GRM3: variants seen among roughly 807,000 people sequenced by gnomAD.
The protein encoded by GRM3 is metabotropic glutamate receptor 3.
GRM3 carries 26 observed loss-of-function variants against 70.5 expected under a neutral mutation model. The ratio of observed to expected loss-of-function variants is 0.37; its 90% CI spans 0.27 to 0.51. The LOEUF (loss-of-function observed/expected upper bound fraction) is 0.51. Ranked by LOEUF, GRM3 falls within the 20% of genes least tolerant of loss-of-function variation. The pLI is 0.93. For missense variants in GRM3, 859 were observed against 1,123.8 expected, an observed-to-expected ratio of 0.76 and a Z score of 3.37; for synonymous variants, 443 against 434.9, an observed-to-expected ratio of 1.02 and a Z score of -0.23.
intron 2 of GRM3, among the ~76,000 whole-genome samples, chr7:86,780,399 G>A (rs566015628): frequency 6.6e-6 from 1 of 152,174 alleles, no homozygotes; most frequent in South Asian, 2.1e-4. Context: ...ATCATATCTG[G>A]CCAAGTCCAG....
intron 2 of GRM3, among the ~76,000 whole-genome samples, chr7:86,779,422 GCACA>G (rs531068667): frequency 9.0e-4 from 136 of 150,516 alleles, no homozygotes; most frequent in African/African-American, 3.1e-3. Flanking sequence ...GCACACGTGC[GCACA>G]CACACACACA....
At chr7:86,763,115 A>G (rs1290694078) in intron 1 of GRM3, among the ~76,000 whole-genome samples, 1 of 152,178 alleles carries the variant, frequency 6.6e-6, no homozygotes, top group Non-Finnish European at 1.5e-5. Flanking sequence ...CATCATTCAA[A>G]TTGCTAACAT....
chr7:86,862,166 G>A (rs1410388174), intron 5 of GRM3, among the ~76,000 whole-genome samples: 1 of 152,174 alleles, frequency 6.6e-6, no homozygotes, highest in Admixed American at 6.6e-5. Context: ...TATGGCCACT[G>A]ATTTTGAAGT....
rs140624531 is a variant in GRM3 at position 86,720,025 on chromosome 7, G to A, written c.-140-44981G>A. On this transcript the variant is annotated intron_variant, in intron 1 of 5. Transcript: ENST00000361669. ...ATCTGGAAAGACCTCATAGGCCACA[G>A]GAACATCCTACAGATAATAGATTGG... Among the ~76,000 whole-genome samples, 922 of 152,082 alleles carry A rather than the reference G, an allele frequency of 6.1e-3. 8 individuals carry two copies. The highest frequency in any genetic ancestry group is 0.021 in the African/African-American group (873 of 41,516).
chr7:86,860,296 G>A (rs1480128790), intron 5 of GRM3, among the ~76,000 whole-genome samples: 4 of 152,136 alleles, frequency 2.6e-5, no homozygotes, highest in African/African-American at 4.8e-5. Flanking sequence ...GTGAATAACA[G>A]ACGGGCTAAT....
intron 1 of GRM3, among the ~76,000 whole-genome samples, chr7:86,688,673 T>C (rs954153238): frequency 1.3e-5 from 2 of 150,172 alleles, no homozygotes; most frequent in Non-Finnish European, 3.0e-5. Context: ...TGCAGAGCAC[T>C]CTTTACCATG....
rs368144681 is a variant in GRM3, at chr7:86,796,329, C to A, written c.1324+9213C>A. On this transcript the variant is annotated intron_variant, in intron 3 of 5. Transcript: ENST00000361669. ...ATTTATTAAATAGGGACTCCTTTCCCCATTGCATGTTTTTGTCAGGTTTCT... is the reference window on the plus strand; with the variant it reads ...ATTTATTAAATAGGGACTCCTTTCCACATTGCATGTTTTTGTCAGGTTTCT... 2.0e-5 allele frequency among the ~76,000 whole-genome samples: 3 copies of A among 152,090 alleles called. No individual in the cohort carries two copies. In the East Asian group the frequency reaches 5.8e-4, roughly 29 times the overall value.
chr7:86,799,282 T>G (rs1797627460), intron 3 of GRM3, among the ~76,000 whole-genome samples: 1 of 152,194 alleles, frequency 6.6e-6, no homozygotes, highest in Non-Finnish European at 1.5e-5. Context: ...CTAAAGATCA[T>G]GGCATCTGCA....
intron 5 of GRM3, among the ~76,000 whole-genome samples, chr7:86,857,794 CAACT>C (rs1412580526): frequency 1.3e-5 from 2 of 151,928 alleles, no homozygotes; most frequent in East Asian, 3.9e-4. Flanking sequence ...TGATGTTGGG[CAACT>C]AAGAGAGTGA....
intron 3 of GRM3, among the ~76,000 whole-genome samples, chr7:86,816,088 AG>A (rs1329541974): frequency 1.3e-5 from 2 of 151,938 alleles, no homozygotes; most frequent in Admixed American, 1.3e-4. Flanking sequence ...TCTAGCTAAA[AG>A]AATACATTGT....
chr7:86,805,281 TA>T (rs944238249), intron 3 of GRM3, among the ~76,000 whole-genome samples: 26 of 152,112 alleles, frequency 1.7e-4, no homozygotes, highest in African/African-American at 6.3e-4. Context: ...AACTAGACTT[TA>T]TTTTTTTAGA....
At chr7:86,851,506 G>A (rs1007898995) in intron 5 of GRM3, among the ~76,000 whole-genome samples, 1 of 152,092 alleles carries the variant, frequency 6.6e-6, no homozygotes, top group Admixed American at 6.6e-5. Context: ...CCATGAGAGG[G>A]GAAGGGAGGA....
At chr7:86,737,034 A>C (rs1282286888) in intron 1 of GRM3, among the ~76,000 whole-genome samples, 2 of 152,022 alleles carry the variant, frequency 1.3e-5, no homozygotes, top group African/African-American at 2.4e-5. Flanking sequence ...GAAAAAAAAA[A>C]CATCCAACTC....
intron 1 of GRM3, among the ~76,000 whole-genome samples, chr7:86,662,774 C>T (rs1447559643): frequency 1.3e-5 from 2 of 151,784 alleles, no homozygotes; most frequent in African/African-American, 2.4e-5. Flanking sequence ...GTAATTTGTC[C>T]AAACATGTTT....
intron 1 of GRM3, among the ~76,000 whole-genome samples, chr7:86,665,784 G>A (rs1794009941): frequency 6.6e-6 from 1 of 151,900 alleles, no homozygotes; most frequent in South Asian, 2.1e-4. Flanking sequence ...AAATTTCCTG[G>A]CTTCTTTTAT....
chr7:86,708,050 G>C (rs1018253903), intron 1 of GRM3, among the ~76,000 whole-genome samples: 1 of 152,044 alleles, frequency 6.6e-6, no homozygotes, highest in Admixed American at 6.6e-5. Context: ...AATCGACTCC[G>C]GTACTAACAA....
chr7:86,805,913 G>A (rs555514552), intron 3 of GRM3, among the ~76,000 whole-genome samples: 129 of 74,012 alleles, frequency 1.7e-3, no homozygotes, highest in African/African-American at 6.6e-3. Context: ...CGCACCCCAC[G>A]ACAGGCCCTA....
At chr7:86,689,442 G>A (rs1023622421) in intron 1 of GRM3, among the ~76,000 whole-genome samples, 1 of 151,970 alleles carries the variant, frequency 6.6e-6, no homozygotes, top group Non-Finnish European at 1.5e-5. Flanking sequence ...ATAGTAACAA[G>A]AGCCTAAGGA....
chr7:86,657,225 G>C (rs554774259), intron 1 of GRM3, among the ~76,000 whole-genome samples: 6 of 152,132 alleles, frequency 3.9e-5, no homozygotes, highest in Admixed American at 1.3e-4. Flanking sequence ...GTACTGAGGA[G>C]GACAAAGAAA....
Sources: allele counts gnomAD v4.1 joint callset (sites outside exome capture counted in the v4.1 genomes callset), GRCh38; gene constraint gnomAD v4.1.1; transcripts MANE v1.5; gene names NCBI Gene and HGNC (gene_info 2026-07-23, HGNC 2026-07-21).